The following RAI14 variants were observed in gnomAD, a reference collection of about 807,000 sequenced individuals.
RAI14 encodes retinoic acid induced 14, also known as ankycorbin.
Under a neutral mutation model 115.4 loss-of-function variants are expected in RAI14, and 45 were observed. That is an observed-to-expected ratio of 0.39 (90% CI 0.31 to 0.50). RAI14 has a LOEUF of 0.50. Ranked by LOEUF, RAI14 falls within the 20% of genes least tolerant of loss-of-function variation. The pLI is 0.85. For missense variants in RAI14, 939 were observed against 1,131.2 expected (o/e 0.83, Z 2.44); for synonymous variants, 371 against 415.4 (o/e 0.89, Z 1.30).
intron 2 of RAI14, among the ~76,000 whole-genome samples, chr5:34,741,167 C>T (rs1046151178): frequency 6.6e-6 from 1 of 152,180 alleles, no homozygotes; most frequent in Non-Finnish European, 1.5e-5. Flanking sequence ...TCAAAAATAT[C>T]TGGATAGATC....
rs78398187 is a variant in RAI14 at position 34,692,321 on chromosome 5, A to G, written c.36+5366A>G. 3.1e-3 allele frequency among the ~76,000 whole-genome samples: 472 copies of G among 152,030 alleles called. 19 individuals carry two copies. The East Asian group carries it at 0.07, about 23-fold the overall frequency. ...CTCATGAGGATCAACAACCAACTCT[A>G]CCAACGTATTTTTTTCAAGGAGTTT... On this transcript the variant is annotated intron_variant, in intron 2 of 17. Coordinates refer to ENST00000265109, the MANE Select transcript of RAI14 (RefSeq NM_015577.3).
rs117437938 is a variant in RAI14, at chr5:34,773,459, G to A, written c.167+15861G>A. On this transcript the variant is annotated intron_variant, in intron 3 of 17. Transcript: ENST00000265109. ...TTGGCACAGCAAAGGAAAGAACAAA[G>A]TGAAGAGACAACCTGTCGAATGAGA... is the stretch of plus-strand genomic sequence containing the variant. 4.1e-3 allele frequency among the ~76,000 whole-genome samples: 618 copies of A among 152,236 alleles called. 24 individuals are homozygous for A. In the East Asian group the frequency reaches 0.1, roughly 26 times the overall value.
At chr5:34,678,497 C>G (rs772694893) in intron 1 of RAI14, among the ~76,000 whole-genome samples, 1 of 152,078 alleles carries the variant, frequency 6.6e-6, no homozygotes, top group Non-Finnish European at 1.5e-5. Context: ...GGACTCTAAT[C>G]CAGTATGACT....
At chr5:34,790,485 T>C (rs1752791445) in intron 3 of RAI14, among the ~76,000 whole-genome samples, 1 of 152,204 alleles carries the variant, frequency 6.6e-6, no homozygotes, top group Non-Finnish European at 1.5e-5. Context: ...TTGAGCAAAC[T>C]CTTTCAGGTT....
chr5:34,748,893 A>G (rs998647900), intron 2 of RAI14, among the ~76,000 whole-genome samples: 1 of 152,162 alleles, frequency 6.6e-6, no homozygotes, highest in Non-Finnish European at 1.5e-5. Context: ...AAGTGAATGA[A>G]TGATAGGGAT....
chr5:34,715,559 A>G (rs1741889141), intron 2 of RAI14, among the ~76,000 whole-genome samples: 1 of 152,166 alleles, frequency 6.6e-6, no homozygotes, highest in Non-Finnish European at 1.5e-5. Context: ...CCCTGCCCCA[A>G]AAGGCTCTTT....
chr5:34,716,996 A>G (rs1276361094), intron 2 of RAI14: 1 of 152,204 alleles, frequency 6.6e-6, no homozygotes, highest in Non-Finnish European at 1.5e-5. Context: ...TATTATGGTC[A>G]GGAGAAATGT....
Position 34,823,007 on chromosome 5 carries a change from T to C in RAI14, c.1165T>C (p.Ser389Pro). The C allele has an allele frequency of 6.2e-7, 1 of 1,613,984 alleles. No individual in the cohort carries two copies. The highest frequency in any genetic ancestry group is 2.2e-5 in the East Asian group (1 of 44,876). Residue 389 changes from serine (S) to proline (P), a missense_variant, in exon 15 of 18, where the codon TCC (serine) becomes CCC (proline). Coordinates refer to ENST00000265109, the MANE Select transcript of RAI14 (RefSeq NM_015577.3). The surrounding 1 kb of genome is among the most constrained non-coding windows in gnomAD (Gnocchi z 4.5). ...EADLSFDSYH[S>P]TQTDLGPSLG... Reference sequence around the variant, plus strand: ...AGACCTAAGCTTTGACTCATACCATTCCACCCAAACTGACTTGGGCCCATC... The same window carrying C: ...AGACCTAAGCTTTGACTCATACCATCCCACCCAAACTGACTTGGGCCCATC...
intron 1 of RAI14, among the ~76,000 whole-genome samples, chr5:34,680,085 G>A (rs1216720647): frequency 6.6e-6 from 1 of 152,210 alleles, no homozygotes; most frequent in Admixed American, 6.5e-5. Context: ...AGTCTGAGAT[G>A]TAAATTTTCA....
At chr5:34,757,627 G>A (rs771816463) in intron 3 of RAI14, 29 bp downstream of exon 3, 1 of 1,577,696 alleles carries the variant, frequency 6.3e-7, no homozygotes, top group South Asian at 1.2e-5. Context: ...TTGCAGATAT[G>A]CTGGTTCTGG....
At chr5:34,763,093 G>A (rs1253018802) in intron 3 of RAI14, among the ~76,000 whole-genome samples, 1 of 152,084 alleles carries the variant, frequency 6.6e-6, no homozygotes, top group Non-Finnish European at 1.5e-5. Flanking sequence ...CTATAAAGTG[G>A]GAGAGGCAGG....
At chr5:34,721,440 C>A (rs1327943450) in intron 2 of RAI14, among the ~76,000 whole-genome samples, 1 of 151,566 alleles carries the variant, frequency 6.6e-6, no homozygotes, top group Non-Finnish European at 1.5e-5. Flanking sequence ...ACAAGGATCT[C>A]ACATCATGCC....
intron 1 of RAI14, among the ~76,000 whole-genome samples, chr5:34,679,944 A>T (rs908057879): frequency 3.3e-5 from 5 of 152,222 alleles, no homozygotes; most frequent in African/African-American, 1.2e-4. Flanking sequence ...TGAGGTCTAA[A>T]GTCTATCCAA....
intron 2 of RAI14, among the ~76,000 whole-genome samples, chr5:34,741,327 C>A (rs1194638884): frequency 6.6e-6 from 1 of 152,208 alleles, no homozygotes; most frequent in Non-Finnish European, 1.5e-5. Context: ...TCTCCAGGGT[C>A]ACACACATGG....
intron 3 of RAI14, among the ~76,000 whole-genome samples, chr5:34,767,489 T>TG (rs890401685): frequency 5.9e-5 from 9 of 152,158 alleles, no homozygotes; most frequent in Admixed American, 5.9e-4. Flanking sequence ...GCTCAGAGGC[T>TG]GGGGTACATG....
rs1757953967 is a variant in RAI14, at chr5:34,830,695, T to C, written c.2873T>C (p.Met958Thr). ...MHLLYAVQGQMDEDVQKVLKQ... is the reference protein window; with the variant it reads ...MHLLYAVQGQTDEDVQKVLKQ... ...TGTGTTTGAATATCCTAGGGCCAGA[T>C]GGATGAAGATGTCCAGAAAGTACTG... is the stretch of plus-strand genomic sequence containing the variant. The change falls in exon 18 of 18, where the codon ATG (methionine) becomes ACG (threonine). Residue 958 changes from methionine to threonine, a missense_variant. Met to Thr is a moderately conservative substitution (Grantham distance 81). Coordinates refer to ENST00000265109, the MANE Select transcript of RAI14 (RefSeq NM_015577.3). The C allele has an allele frequency of 1.2e-6, 2 of 1,614,034 alleles. No homozygotes were observed. Among genetic ancestry groups the C allele is most frequent in the Non-Finnish European group, 1.7e-6 (2 of 1,180,012 alleles).
intron 3 of RAI14, among the ~76,000 whole-genome samples, chr5:34,775,571 A>C (rs964577998): frequency 4.6e-5 from 7 of 152,210 alleles, no homozygotes; most frequent in African/African-American, 1.4e-4. Context: ...ATCTCTATTT[A>C]AAATGAATGA....
chr5:34,685,769 C>G (rs898381197), intron 1 of RAI14: 1 of 152,068 alleles, frequency 6.6e-6, no homozygotes, highest in Non-Finnish European at 1.5e-5. Context: ...GTGGCAACTA[C>G]CTTGTAGAAT....
intron 7 of RAI14, 92 bp from the exon 8 acceptor site, chr5:34,810,920 C>T: frequency 6.3e-7 from 1 of 1,582,816 alleles, no homozygotes; most frequent in Middle Eastern, 1.7e-4. Flanking sequence ...CAGTCCAAGT[C>T]AGGAGAAAAA....
Sources: allele counts gnomAD v4.1 joint callset (sites outside exome capture counted in the v4.1 genomes callset), GRCh38; gene constraint gnomAD v4.1.1; non-coding constraint Gnocchi (gnomAD v3.1); transcripts MANE v1.5; gene names NCBI Gene and HGNC (gene_info 2026-07-23, HGNC 2026-07-21).